PDZD9: variants seen among roughly 807,000 people sequenced by gnomAD.
PDZD9 encodes PDZ domain-containing protein 9.
PDZD9 carries 13 observed loss-of-function variants against 16.3 expected under a neutral mutation model. That is an observed-to-expected ratio of 0.80 (90% CI 0.52 to 1.27). The LOEUF (loss-of-function observed/expected upper bound fraction) is 1.27, where lower values mean the gene tolerates loss of function less well. Among genes scored for constraint, PDZD9 ranks in the 50% most tolerant of loss-of-function variants. PDZD9 has a pLI of 0.00. For synonymous variants in PDZD9, 120 were observed against 111.0 expected, an observed-to-expected ratio of 1.08 and a Z score of -0.51; for missense variants, 288 against 310.9, an observed-to-expected ratio of 0.93 and a Z score of 0.55.
At chr16:21,967,796 T>C in the PDZD9 span, among the ~76,000 whole-genome samples, 1 of 152,150 alleles carries the variant, frequency 6.6e-6, no homozygotes, top group Non-Finnish European at 1.5e-5. Flanking sequence ...TCAGAAAAGC[T>C]TTATAGAGAT....
Position 21,988,799 on chromosome 16 carries a change from G to A in PDZD9, c.212-8C>T. The A allele has an allele frequency of 1.3e-6, 2 of 1,587,532 alleles. No individual in the cohort carries two copies. Among genetic ancestry groups the A allele is most frequent in the South Asian group, 2.3e-5 (2 of 86,524 alleles). On this transcript the variant is annotated splice_region_variant and splice_polypyrimidine_tract_variant and intron_variant, in intron 2 of 3. Coordinates refer to ENST00000424898, the MANE Select transcript of PDZD9 (RefSeq NM_001363519.1). ...CACTAATCAGAACATCACCTGAAGA[G>A]GGAAAAAATTATGTATCAGTAAAAC...
downstream of PDZD9, chr16:21,983,318 G>T: frequency 1.6e-6 from 1 of 641,974 alleles, no homozygotes; most frequent in South Asian, 2.3e-5. Context: ...ATTCCCAGCT[G>T]ACCTAAAGTC....
At chr16:21,968,957 C>T in the PDZD9 span, among the ~76,000 whole-genome samples, 1 of 152,098 alleles carries the variant, frequency 6.6e-6, no homozygotes, top group Non-Finnish European at 1.5e-5. Flanking sequence ...AGAGCTTTTA[C>T]AAACTTTTTT....
At chr16:21,958,707 G>A in the PDZD9 span, 5 of 934,504 alleles carry the variant, frequency 5.4e-6, no homozygotes, top group Non-Finnish European at 8.2e-6. Context: ...AGCAACATAA[G>A]AAGGAAAAGA....
At chr16:22,000,815 C>T (rs1899276773) in intron 1 of PDZD9, among the ~76,000 whole-genome samples, 1 of 148,988 alleles carries the variant, frequency 6.7e-6, no homozygotes, top group Admixed American at 6.7e-5. Context: ...CAAAGCAAGA[C>T]TCCTTCTCAA....
At chr16:21,964,392 G>A in the PDZD9 span, among the ~76,000 whole-genome samples, 1 of 152,134 alleles carries the variant, frequency 6.6e-6, no homozygotes, top group Non-Finnish European at 1.5e-5. Flanking sequence ...GGCCATTACA[G>A]TGATCCTTCT....
the PDZD9 span, chr16:21,971,898 C>G: frequency 6.2e-7 from 1 of 1,612,274 alleles, no homozygotes; most frequent in African/African-American, 1.3e-5. Flanking sequence ...TTTTCTTCTT[C>G]CCTCTATCCT....
chr16:21,962,729 A>T, the PDZD9 span: 20 of 1,612,884 alleles, frequency 1.2e-5, no homozygotes, highest in Non-Finnish European at 1.7e-5. Flanking sequence ...TACATTTTTG[A>T]CTCATAATTC....
chr16:21,996,229 C>G, intron 2 of PDZD9, 93 bp downstream of exon 2: 5 of 1,371,382 alleles, frequency 3.6e-6, no homozygotes, highest in Non-Finnish European at 3.9e-6. Context: ...CCCGTCATAT[C>G]CTTATAGTTA....
At chr16:21,972,155 C>A in the PDZD9 span, 4 of 1,586,126 alleles carry the variant, frequency 2.5e-6, no homozygotes, top group Non-Finnish European at 3.4e-6. Context: ...TCTCTTTTTG[C>A]TTTCAAAGGC....
Position 21,984,511 on chromosome 16 carries a change from CTG to C in PDZD9, c.549_550del (p.Asp185LeufsTer5), listed in dbSNP as rs1163593291. 6.2e-7 allele frequency: 1 copy of C among 1,608,188 alleles called. No individual in the cohort carries two copies. The highest frequency in any genetic ancestry group is 1.3e-5 in the African/African-American group (1 of 74,852). On this transcript the variant is annotated frameshift_variant, in exon 4 of 4. Coordinates refer to ENST00000424898, the MANE Select transcript of PDZD9 (RefSeq NM_001363519.1). LOFTEE classifies it low-confidence loss of function (END_TRUNC). Reference sequence around the variant, plus strand: ...CTTCTTCTTATATCCATGCCAGTCTCTGGAGATGGATATTGGTCTCCTTGCAG... The same window carrying C: ...CTTCTTCTTATATCCATGCCAGTCTCGAGATGGATATTGGTCTCCTTGCAG...
At chr16:21,975,324 T>C in the PDZD9 span, among the ~76,000 whole-genome samples, 5 of 152,064 alleles carry the variant, frequency 3.3e-5, no homozygotes, top group African/African-American at 9.7e-5. Flanking sequence ...AGTGGAAGAA[T>C]AAGGATAGTG....
At position 21,984,550 on chromosome 16, in the gene PDZD9, G is replaced by A. The variant is rs1372344288; in HGVS notation, c.512C>T (p.Thr171Ile). 1 of 1,594,622 alleles carries A rather than the reference G, an allele frequency of 6.3e-7. No individual in the cohort carries two copies. Among genetic ancestry groups the A allele is most frequent in the Non-Finnish European group, 8.6e-7 (1 of 1,165,166 alleles). The change falls in exon 4 of 4, where the codon ACT becomes ATT. Residue 171 changes from threonine to isoleucine, a missense_variant. Coordinates refer to ENST00000424898, the MANE Select transcript of PDZD9 (RefSeq NM_001363519.1). Reference protein sequence around the residue: ...RLQYYRYPWSTVHHPARRPIS... With the variant: ...RLQYYRYPWSIVHHPARRPIS... ...TGGTCTCCTTGCAGGGTGATGCACA[G>A]TTGACCACGGATATCTATAATATTG...
the PDZD9 span, among the ~76,000 whole-genome samples, chr16:21,967,492 G>A: frequency 7.9e-5 from 12 of 151,924 alleles, no homozygotes; most frequent in South Asian, 4.2e-4. Context: ...GGAAAGGATA[G>A]CATTTCTGTT....
At chr16:21,960,504 A>G in the PDZD9 span, among the ~76,000 whole-genome samples, 2 of 152,284 alleles carry the variant, frequency 1.3e-5, no homozygotes, top group South Asian at 4.1e-4. Context: ...TCTTGCTTTC[A>G]TATCATTTAT....
At chr16:21,979,164 C>T (rs912433809), downstream of PDZD9, among the ~76,000 whole-genome samples, 1 of 152,184 alleles carries the variant, frequency 6.6e-6, no homozygotes, top group Admixed American at 6.5e-5. Context: ...GTGGAGTTGT[C>T]TGTGGTGACA....
chr16:21,996,633 T>A, intron 1 of PDZD9, 132 bp from the exon 2 acceptor site: 4 of 934,674 alleles, frequency 4.3e-6, no homozygotes, highest in Non-Finnish European at 6.2e-6. Context: ...GTCAGTAAAA[T>A]GAGGATAAAA....
chr16:21,976,080 T>A, the PDZD9 span: 2 of 826,916 alleles, frequency 2.4e-6, no homozygotes, highest in Non-Finnish European at 4.1e-6. Context: ...CTTCCATCTG[T>A]GTTTTTGCCT....
downstream of PDZD9, among the ~76,000 whole-genome samples, chr16:21,982,864 G>T (rs1898765833): frequency 6.6e-6 from 1 of 151,542 alleles, no homozygotes; most frequent in Non-Finnish European, 1.5e-5. Flanking sequence ...CCTTGGGAGG[G>T]TGAGGCAGAG....
Sources: gnomAD v4.1 joint callset for allele counts (sites outside exome capture counted in the v4.1 genomes callset) on GRCh38, gnomAD v4.1.1 for gene constraint, MANE v1.5 for transcripts, NCBI Gene and HGNC (gene_info 2026-07-23, HGNC 2026-07-21) for gene names.